Variants in KHDRBS2 observed in about 807,000 individuals in gnomAD.
KHDRBS2 encodes KH domain-containing, RNA-binding, signal transduction-associated protein 2.
KHDRBS2 carries 26 observed loss-of-function variants against 44.3 expected under a neutral mutation model. The observed-to-expected ratio is 0.59, with a 90% CI of 0.43 to 0.81. KHDRBS2 has a LOEUF of 0.81. Ranked by LOEUF, KHDRBS2 falls within the 40% of genes least tolerant of loss-of-function variation. The pLI is 0.00. For synonymous variants in KHDRBS2, 194 were observed against 151.1 expected (o/e 1.28, Z -2.08); for missense variants, 476 against 433.1 (o/e 1.10, Z -0.88).
intron 2 of KHDRBS2, among the ~76,000 whole-genome samples, chr6:62,075,174 A>C (rs576715002): frequency 6.6e-6 from 1 of 151,976 alleles, no homozygotes; most frequent in South Asian, 2.1e-4. Context: ...CTAACCTCCA[A>C]GGTGATGGTA....
chr6:62,099,432 G>A (rs1251694421), intron 2 of KHDRBS2, among the ~76,000 whole-genome samples: 2 of 152,272 alleles, frequency 1.3e-5, no homozygotes, highest in East Asian at 1.9e-4. Flanking sequence ...GGTGTCCTAA[G>A]CCTAGGTTTA....
At chr6:61,602,682 A>C in the KHDRBS2 span, among the ~76,000 whole-genome samples, 77 of 152,164 alleles carry the variant, frequency 5.1e-4, no homozygotes, top group South Asian at 0.015. Flanking sequence ...ATCAATACAG[A>C]GGCTACCCAC....
At chr6:62,250,703 A>T (rs1007903419) in intron 1 of KHDRBS2, among the ~76,000 whole-genome samples, 2 of 152,040 alleles carry the variant, frequency 1.3e-5, no homozygotes, top group African/African-American at 4.8e-5. Context: ...TGGATGCTAA[A>T]TCTAGGAGAA....
At chr6:61,647,052 C>T in the KHDRBS2 span, among the ~76,000 whole-genome samples, 2 of 152,082 alleles carry the variant, frequency 1.3e-5, no homozygotes, top group African/African-American at 2.4e-5. Context: ...CTCCTGACCT[C>T]AGGTGATCCA....
chr6:61,971,803 T>C (rs1417846902), intron 4 of KHDRBS2, among the ~76,000 whole-genome samples: 1 of 152,154 alleles, frequency 6.6e-6, no homozygotes, highest in Non-Finnish European at 1.5e-5. Context: ...CCATCCTTCC[T>C]TAAACACATT....
chr6:61,777,420 G>A (rs1297590981), intron 6 of KHDRBS2, among the ~76,000 whole-genome samples: 2 of 152,142 alleles, frequency 1.3e-5, no homozygotes, highest in African/African-American at 2.4e-5. Flanking sequence ...ACTCATTGAT[G>A]AAGACTCAGC....
At chr6:61,743,521 T>C (rs1459466669) in intron 6 of KHDRBS2, among the ~76,000 whole-genome samples, 1 of 152,048 alleles carries the variant, frequency 6.6e-6, no homozygotes, top group Non-Finnish European at 1.5e-5. Flanking sequence ...CAAACACAAT[T>C]TGGGATTTTA....
chr6:61,565,759 A>G, the KHDRBS2 span, among the ~76,000 whole-genome samples: 3 of 152,136 alleles, frequency 2.0e-5, no homozygotes, highest in Non-Finnish European at 4.4e-5. Context: ...ACATTTTTAT[A>G]ACACAGGGAA....
At chr6:61,559,804 G>A in the KHDRBS2 span, among the ~76,000 whole-genome samples, 2 of 151,860 alleles carry the variant, frequency 1.3e-5, no homozygotes, top group African/African-American at 4.8e-5. Context: ...TTTTTTGATT[G>A]GTTCATCTTT....
intron 6 of KHDRBS2, among the ~76,000 whole-genome samples, chr6:61,802,902 C>A (rs1046848977): frequency 6.6e-6 from 1 of 152,000 alleles, no homozygotes; most frequent in Non-Finnish European, 1.5e-5. Context: ...AATGAAACAG[C>A]CATGAGTAAA....
intron 4 of KHDRBS2, among the ~76,000 whole-genome samples, chr6:61,968,765 G>T (rs1200965840): frequency 6.6e-6 from 1 of 151,974 alleles, no homozygotes; most frequent in Non-Finnish European, 1.5e-5. Flanking sequence ...TATCCTTGAT[G>T]AGGAGGCATC....
At chr6:62,083,621 C>A (rs1797845507) in intron 2 of KHDRBS2, among the ~76,000 whole-genome samples, 1 of 152,148 alleles carries the variant, frequency 6.6e-6, no homozygotes. Flanking sequence ...CTGCTCCTGC[C>A]AGTTGCTCAG....
intron 6 of KHDRBS2, among the ~76,000 whole-genome samples, chr6:61,830,972 G>A (rs1350811862): frequency 6.6e-6 from 1 of 152,076 alleles, no homozygotes; most frequent in African/African-American, 2.4e-5. Flanking sequence ...TTCTAAAAGT[G>A]TACTTCTTTT....
chr6:61,858,263 T>A (rs2127292905), intron 6 of KHDRBS2, among the ~76,000 whole-genome samples: 1 of 151,598 alleles, frequency 6.6e-6, no homozygotes, highest in East Asian at 1.9e-4. Flanking sequence ...AAAAAAAAAC[T>A]ATATAATGTA....
intron 2 of KHDRBS2, among the ~76,000 whole-genome samples, chr6:62,135,276 T>C (rs1272111484): frequency 6.6e-6 from 1 of 152,192 alleles, no homozygotes; most frequent in Admixed American, 6.5e-5. Flanking sequence ...TTGGCTCTCA[T>C]TCTCTCTTTG....
At chr6:61,790,341 G>T (rs1302724837) in intron 6 of KHDRBS2, among the ~76,000 whole-genome samples, 1 of 150,566 alleles carries the variant, frequency 6.6e-6, no homozygotes, top group Non-Finnish European at 1.5e-5. Flanking sequence ...TTAAGTGAAT[G>T]CAATTTAAAG....
At chr6:61,841,874 G>A (rs184412134) in intron 6 of KHDRBS2, among the ~76,000 whole-genome samples, 110 of 152,222 alleles carry the variant, frequency 7.2e-4, no homozygotes, top group African/African-American at 2.5e-3. Flanking sequence ...CAATGCTTGA[G>A]TACCTTTCCT....
chr6:61,549,204 T>G, the KHDRBS2 span, among the ~76,000 whole-genome samples: 1 of 152,034 alleles, frequency 6.6e-6, no homozygotes, highest in Admixed American at 6.6e-5. Flanking sequence ...GTATGAGATA[T>G]AAGAAAAAAA....
chr6:61,789,090 G>A (rs1481352499), intron 6 of KHDRBS2, among the ~76,000 whole-genome samples: 2 of 151,216 alleles, frequency 1.3e-5, no homozygotes, highest in Non-Finnish European at 3.0e-5. Flanking sequence ...TAGCTATCTT[G>A]TAATTTATAT....
Sources: gnomAD v4.1 joint callset for allele counts (sites outside exome capture counted in the v4.1 genomes callset) on GRCh38, gnomAD v4.1.1 for gene constraint, MANE v1.5 for transcripts, NCBI Gene and HGNC (gene_info 2026-07-23, HGNC 2026-07-21) for gene names.